Variants in LARP1 observed in about 807,000 individuals in gnomAD.
The protein encoded by LARP1 is la-related protein 1.
Under a neutral mutation model 122.7 loss-of-function variants are expected in LARP1, and 36 were observed. That is an observed-to-expected ratio of 0.29 (90% CI 0.22 to 0.39). LARP1 has a LOEUF of 0.39. Ranked by LOEUF, LARP1 falls within the 10% of genes least tolerant of loss-of-function variation. The pLI is 1.00. For missense variants in LARP1, 1,040 were observed against 1,403.6 expected (o/e 0.74, Z 4.14); for synonymous variants, 539 against 528.7 (o/e 1.02, Z -0.27).
At chr5:154,764,128 G>A (rs1171444603) in intron 1 of LARP1, among the ~76,000 whole-genome samples, 2 of 152,046 alleles carry the variant, frequency 1.3e-5, no homozygotes, top group African/African-American at 2.4e-5. Flanking sequence ...GGCCAACACA[G>A]TGAAACCCTG....
Position 154,802,434 on chromosome 5 carries a change from G to C in LARP1, c.2109+35G>C. ...GGACATAGCAGTGAGTGTGGAGCCT[G>C]GTGTGCCTGTATTGTACGGAGAAGA... On this transcript the variant is annotated intron_variant, in intron 11 of 18. Coordinates refer to ENST00000518297, the MANE Select transcript of LARP1 (RefSeq NM_033551.3). This position sits in a 1 kb window ranked among gnomAD's most constrained non-coding sequence, Gnocchi z 5.1. 6.4e-7 allele frequency: 1 copy of C among 1,552,830 alleles called. No homozygotes were observed. The highest frequency in any genetic ancestry group is 8.7e-7 in the Non-Finnish European group (1 of 1,150,140).
Position 154,755,875 on chromosome 5 carries a change from G to A in LARP1, c.118G>A (p.Gly40Arg). The change falls in exon 1 of 19, where the codon GGG becomes AGG. Residue 40 changes from glycine to arginine, a missense_variant. By Grantham distance (125) the Gly-to-Arg change is moderately radical. Coordinates refer to ENST00000518297, the MANE Select transcript of LARP1 (RefSeq NM_033551.3). Reference protein sequence around the residue: ...PPAPEGKGEPGPNDVRGGEPD... With the variant: ...PPAPEGKGEPRPNDVRGGEPD... ...GGCGCCCGAGGGCAAGGGCGAGCCC[G>A]GGCCAAACGACGTCCGCGGGGGGGA... is the stretch of plus-strand genomic sequence containing the variant. 1 of 1,014,002 alleles carries A rather than the reference G, an allele frequency of 9.9e-7. No homozygotes were observed. Among genetic ancestry groups the A allele is most frequent in the Non-Finnish European group, 1.2e-6 (1 of 846,508 alleles). 62.8% of individuals were successfully genotyped at this position (1,014,002 alleles called of 1,614,324 possible).
At chr5:154,770,551 A>C (rs560958603) in intron 1 of LARP1, among the ~76,000 whole-genome samples, 6 of 151,498 alleles carry the variant, frequency 4.0e-5, no homozygotes, top group East Asian at 3.9e-4. Context: ...GTATGAGAGA[A>C]TAGCCTGAGA....
chr5:154,704,099 G>A (rs1475147118), intron 1 of LARP1, among the ~76,000 whole-genome samples: 1 of 152,136 alleles, frequency 6.6e-6, no homozygotes, highest in African/African-American at 2.4e-5. Flanking sequence ...GGTTGCATGT[G>A]CAATTATTTA....
Position 154,804,326 on chromosome 5 carries a change from GAA to G in LARP1, c.2546+20_2546+21del, listed in dbSNP as rs1758579041. Reference sequence around the variant, plus strand: ...CCATCAGGTACCTGGGGCAGTGGGGGAAGAGTGATCAGGCTGCCTATGGGATG... The same window carrying G: ...CCATCAGGTACCTGGGGCAGTGGGGGGAGTGATCAGGCTGCCTATGGGATG... On this transcript the variant is annotated intron_variant, in intron 14 of 18. Coordinates refer to ENST00000518297, the MANE Select transcript of LARP1 (RefSeq NM_033551.3). 9 of 1,580,274 alleles carry G rather than the reference GAA, an allele frequency of 5.7e-6. No homozygotes were observed. Among genetic ancestry groups the G allele is most frequent in the African/African-American group, 1.3e-5 (1 of 74,226 alleles).
At chr5:154,688,653 C>CA (rs10677648) in intron 1 of LARP1, among the ~76,000 whole-genome samples, 3,203 of 79,296 alleles carry the variant, frequency 0.04, 288 homozygotes, top group African/African-American at 0.15. Flanking sequence ...GACTCCATCT[C>CA]AAAAAAAAAA....
chr5:154,754,694 C>G (rs1391546554), upstream of LARP1, among the ~76,000 whole-genome samples: 1 of 152,232 alleles, frequency 6.6e-6, no homozygotes, highest in Non-Finnish European at 1.5e-5. Flanking sequence ...CGGAGTTGAA[C>G]CCATCTCCGG....
At chr5:154,767,146 C>T (rs1263066427) in intron 1 of LARP1, among the ~76,000 whole-genome samples, 1 of 152,182 alleles carries the variant, frequency 6.6e-6, no homozygotes, top group African/African-American at 2.4e-5. Flanking sequence ...CAGCCATTTA[C>T]CCACTGAGTG....
chr5:154,788,034 G>A (rs1000913031), intron 1 of LARP1, among the ~76,000 whole-genome samples: 2 of 152,224 alleles, frequency 1.3e-5, no homozygotes, highest in African/African-American at 2.4e-5. Context: ...TGAAGTTGGC[G>A]TTGGTGGTAC....
intron 1 of LARP1, among the ~76,000 whole-genome samples, chr5:154,732,090 C>T (rs533968103): frequency 1.3e-4 from 19 of 150,714 alleles, no homozygotes; most frequent in Middle Eastern, 3.5e-3. Context: ...CACCTGAACC[C>T]GGGAGGCGGA....
At position 154,756,128 on chromosome 5, in the gene LARP1, T is replaced by G; in HGVS notation, c.371T>G (p.Val124Gly). 7.8e-7 allele frequency: 1 copy of G among 1,283,412 alleles called. No individual in the cohort carries two copies. Among genetic ancestry groups the G allele is most frequent in the Non-Finnish European group, 1.0e-6 (1 of 983,292 alleles). The allele number at this position is 1,283,412 out of a possible 1,614,324, so 79.5% of individuals were successfully genotyped here. A position where few individuals can be genotyped will look rare whatever the true frequency, so the allele number is the denominator to read the frequency against. ...RDFVEAPPPK[V>G]NPWTKNALPP... ...TTCGTGGAAGCCCCCCCGCCCAAGG[T>G]GAACCCGTGGACTAAGAACGCATTG... The change falls in exon 1 of 19, where the codon GTG becomes GGG. Residue 124 changes from valine (V) to glycine (G), a missense_variant. Around this residue, in one of 8 missense-constraint regions of LARP1, gnomAD observed 257 missense variants for 273.3 expected, o/e 0.94. Transcript: ENST00000518297.
At chr5:154,694,636 G>A (rs1462726186) in intron 1 of LARP1, among the ~76,000 whole-genome samples, 2 of 152,152 alleles carry the variant, frequency 1.3e-5, no homozygotes, top group Non-Finnish European at 2.9e-5. Context: ...TGCTAATTTT[G>A]TGAGACGTGT....
chr5:154,683,194 C>G (rs1409717162), intron 1 of LARP1, among the ~76,000 whole-genome samples: 2 of 152,240 alleles, frequency 1.3e-5, no homozygotes, highest in African/African-American at 4.8e-5. Context: ...CCCCTCAACC[C>G]CCATCCTTAC....
chr5:154,756,151 T>C lies in LARP1; in HGVS notation c.394T>C (p.Leu132=). Residue 132 remains leucine (L), a synonymous_variant, in exon 1 of 19, where the codon TTG becomes CTG. Transcript: ENST00000518297. Reference sequence around the variant, plus strand: ...GGTGAACCCGTGGACTAAGAACGCATTGCCGCCGGTCCTGACCACCGTGAA... The same window carrying C: ...GGTGAACCCGTGGACTAAGAACGCACTGCCGCCGGTCCTGACCACCGTGAA... ...PKVNPWTKNA[L]PPVLTTVNGQ... 1 of 1,315,740 alleles carries C rather than the reference T, an allele frequency of 7.6e-7. No individual in the cohort carries two copies. The allele number at this position is 1,315,740 out of a possible 1,614,324, so 81.5% of individuals were successfully genotyped here. A position where few individuals can be genotyped will look rare whatever the true frequency, so the allele number is the denominator to read the frequency against.
intron 1 of LARP1, among the ~76,000 whole-genome samples, chr5:154,695,512 C>G (rs557682341): frequency 9.9e-5 from 15 of 152,050 alleles, no homozygotes; most frequent in Admixed American, 9.2e-4. Context: ...CAAAAATCAG[C>G]TGGGCATGGT....
intron 1 of LARP1, among the ~76,000 whole-genome samples, chr5:154,694,953 C>A (rs938146487): frequency 6.6e-6 from 1 of 152,086 alleles, no homozygotes; most frequent in East Asian, 1.9e-4. Context: ...CTTCCTGCCT[C>A]AGCCTCCCAA....
chr5:154,782,226 C>CT (rs560332991), intron 1 of LARP1, among the ~76,000 whole-genome samples: 3 of 152,150 alleles, frequency 2.0e-5, no homozygotes, highest in African/African-American at 7.2e-5. Flanking sequence ...GGTACCTAGT[C>CT]TTTATGCAGT....
chr5:154,686,893 C>G (rs997259744), intron 1 of LARP1, among the ~76,000 whole-genome samples: 2 of 152,228 alleles, frequency 1.3e-5, no homozygotes, highest in African/African-American at 4.8e-5. Flanking sequence ...CCATGCCTGA[C>G]TTCAGAAGAA....
chr5:154,745,216 G>A (rs931428721), intron 1 of LARP1, among the ~76,000 whole-genome samples: 1 of 152,182 alleles, frequency 6.6e-6, no homozygotes, highest in Non-Finnish European at 1.5e-5. Context: ...GTGAGCCACC[G>A]CGCCTGGCCT....
Sources: allele counts gnomAD v4.1 joint callset (sites outside exome capture counted in the v4.1 genomes callset), GRCh38; gene constraint gnomAD v4.1.1; regional missense constraint gnomAD v4.1.1; non-coding constraint Gnocchi (gnomAD v3.1); transcripts MANE v1.5; gene names NCBI Gene and HGNC (gene_info 2026-07-23, HGNC 2026-07-21).